PCSK4: variants seen among roughly 807,000 people sequenced by gnomAD.
PCSK4 encodes the protein testicular tissue protein Li 135.
Under a neutral mutation model 80.3 loss-of-function variants are expected in PCSK4, and 64 were observed. The ratio of observed to expected loss-of-function variants is 0.80; its 90% CI spans 0.65 to 0.98. PCSK4 has a LOEUF of 0.98. Ranked by LOEUF, PCSK4 falls within the 50% of genes least tolerant of loss-of-function variation. PCSK4 has a pLI of 0.00. For synonymous variants in PCSK4, 561 were observed against 487.6 expected, an observed-to-expected ratio of 1.15 and a Z score of -1.98; for missense variants, 1,213 against 1,093.6, an observed-to-expected ratio of 1.11 and a Z score of -1.54.
chr19:1,487,240 G>C (rs539376222), exon 7 of PCSK4: 10 of 1,606,216 alleles, frequency 6.2e-6, no homozygotes, highest in Middle Eastern at 1.7e-4. Context: ...TGTAAATGTG[G>C]ATGTGCTGCG....
Position 1,481,937 on chromosome 19 carries a change from G to A in PCSK4, c.2090C>T (p.Ala697Val), listed in dbSNP as rs1348087547. 6 of 1,597,216 alleles carry A rather than the reference G, an allele frequency of 3.8e-6. No individual in the cohort carries two copies. Among genetic ancestry groups the A allele is most frequent in the Non-Finnish European group, 5.1e-6 (6 of 1,173,638 alleles). The change falls in exon 15 of 15, where the codon GCT becomes GTT. Residue 697 changes from alanine to valine, a missense_variant. By Grantham distance (64) the Ala-to-Val change is moderately conservative (BLOSUM62 0). Coordinates refer to ENST00000300954, the Ensembl canonical transcript of PCSK4. The stretch of plus-strand genomic sequence containing the variant: ...GCAGCGGTGGTGGGGACAGGCGGCA[G>A]CTCTAAGCCGGGGGCGGCTGTCGGG...
At chr19:1,489,162 C>T (rs998997731) in intron 2 of PCSK4, among the ~76,000 whole-genome samples, 12 of 141,296 alleles carry the variant, frequency 8.5e-5, no homozygotes, top group South Asian at 2.3e-4. Flanking sequence ...GACGGAGTCT[C>T]GCTCTGTCGC....
chr19:1,482,435 G>A (rs748536491), exon 14 of PCSK4: 7 of 1,608,220 alleles, frequency 4.4e-6, no homozygotes, highest in African/African-American at 4.0e-5. Flanking sequence ...TCATGTCCTC[G>A]GCCGTCCCAT....
chr19:1,482,018 C>T, exon 15 of PCSK4: 3 of 1,576,638 alleles, frequency 1.9e-6, no homozygotes, highest in Non-Finnish European at 2.6e-6. Flanking sequence ...GGATGGGGGA[C>T]AGGAGGTGCA....
chr19:1,487,929 G>A (rs1040507197), intron 4 of PCSK4, 35 bp downstream of exon 4: 7 of 1,592,114 alleles, frequency 4.4e-6, no homozygotes, highest in Non-Finnish European at 6.0e-6. Context: ...TCGGCACCTG[G>A]GGCAGCCCTC....
chr19:1,483,896 C>G, exon 10 of PCSK4: 1 of 1,490,632 alleles, frequency 6.7e-7, no homozygotes, highest in Non-Finnish European at 8.9e-7. Context: ...CCGGCTTGGA[C>G]GCGCGGACCA....
At chr19:1,487,713 G>T (rs1392686916) in intron 5 of PCSK4, 22 bp from the exon 6 acceptor site, 1 of 1,551,382 alleles carries the variant, frequency 6.4e-7, no homozygotes, top group Non-Finnish European at 8.7e-7. Flanking sequence ...GCCAAGAGGG[G>T]CTCCTGTCAC....
chr19:1,483,694 G>A, exon 11 of PCSK4: 1 of 1,596,920 alleles, frequency 6.3e-7, no homozygotes, highest in Non-Finnish European at 8.5e-7. Context: ...TCTGCGGCTG[G>A]GTGGGCAGCC....
At chr19:1,488,921 C>T (rs186801124) in intron 2 of PCSK4, among the ~76,000 whole-genome samples, 2 of 152,138 alleles carry the variant, frequency 1.3e-5, no homozygotes, top group African/African-American at 4.8e-5. Flanking sequence ...CTGGCCACTG[C>T]TCTCCCTCCC....
chr19:1,488,236 G>A (rs1363661010), exon 3 of PCSK4: 14 of 1,612,520 alleles, frequency 8.7e-6, no homozygotes, highest in Non-Finnish European at 1.1e-5. Flanking sequence ...CCACGACAGA[G>A]CGTTTCACCC....
At chr19:1,488,252 T>C (rs1201621784) in exon 3 of PCSK4, 1 of 1,613,312 alleles carries the variant, frequency 6.2e-7, no homozygotes, top group Non-Finnish European at 8.5e-7. Flanking sequence ...CACCCGCCGC[T>C]GCAGCGTCTG....
Position 1,482,125 on chromosome 19 carries a change from C to T in PCSK4, c.1902G>A (p.Val634=), listed in dbSNP as rs935723172. The change falls in exon 15 of 15, where the codon GTG becomes GTA. Residue 634 remains valine (V), a synonymous_variant. Transcript: ENST00000300954. ...CCGCCGTGTGCCCAGGCCCAGCGGT[C>T]ACCAGCCTTGTGTGGTTGAAGAACC... 1.7e-5 allele frequency: 26 copies of T among 1,555,502 alleles called. No individual in the cohort carries two copies. The African/African-American group carries it at 3.0e-4, about 18-fold the overall frequency.
chr19:1,482,967 T>G, exon 13 of PCSK4: 1 of 1,403,160 alleles, frequency 7.1e-7, no homozygotes, highest in Non-Finnish European at 9.5e-7. Flanking sequence ...ATCCCAGAAG[T>G]GGGTGGACAT....
Position 1,487,126 on chromosome 19 carries a change from C to A in PCSK4, c.855+15G>T. 8 of 1,602,790 alleles carry A rather than the reference C, an allele frequency of 5.0e-6. No individual in the cohort carries two copies. Among genetic ancestry groups the A allele is most frequent in the South Asian group, 1.1e-5 (1 of 90,918 alleles). Reference sequence around the variant, plus strand: ...CCTGGCCTGCCACCCCTGCCCTCCTCGGGCTGCCACTCACCTTGGTCACAC... The same window carrying A: ...CCTGGCCTGCCACCCCTGCCCTCCTAGGGCTGCCACTCACCTTGGTCACAC... On this transcript the variant is annotated intron_variant, in intron 7 of 14. Coordinates refer to ENST00000300954, the Ensembl canonical transcript of PCSK4.
chr19:1,482,562 G>C, intron 13 of PCSK4, 87 bp from the exon 14 acceptor site: 4 of 1,496,948 alleles, frequency 2.7e-6, no homozygotes, highest in Non-Finnish European at 3.6e-6. Flanking sequence ...CTCCCCTTCA[G>C]CTCCCACGCG....
intron 2 of PCSK4, among the ~76,000 whole-genome samples, chr19:1,489,189 T>TGGC (rs2084802918): frequency 6.8e-6 from 1 of 146,496 alleles, no homozygotes; most frequent in South Asian, 2.1e-4. Flanking sequence ...TGGAGTGCAA[T>TGGC]GGCGCGATCT....
intron 8 of PCSK4, among the ~76,000 whole-genome samples, chr19:1,484,916 G>A (rs756936560): frequency 3.3e-5 from 5 of 152,096 alleles, no homozygotes; most frequent in Non-Finnish European, 7.4e-5. Flanking sequence ...AGGCTGAGGC[G>A]GGCAGATTGT....
Position 1,490,360 on chromosome 19 carries a change from G to C in PCSK4, c.-14C>G. On this transcript the variant is annotated 5_prime_UTR_variant, in exon 1 of 15. Coordinates refer to ENST00000300954, the Ensembl canonical transcript of PCSK4. ...GGCGGGCCGCATGGAGGCGGGGCGGGAGCGGGGCCTGCGCAAATCCCCTCC... is the reference window on the plus strand; with the variant it reads ...GGCGGGCCGCATGGAGGCGGGGCGGCAGCGGGGCCTGCGCAAATCCCCTCC... 9.6e-7 allele frequency: 1 copy of C among 1,044,776 alleles called. No homozygotes were observed. Among genetic ancestry groups the C allele is most frequent in the Non-Finnish European group, 1.3e-6 (1 of 743,878 alleles). The allele number at this position is 1,044,776 out of a possible 1,614,324, so 64.7% of individuals were successfully genotyped here. A position where few individuals can be genotyped will look rare whatever the true frequency, so the allele number is the denominator to read the frequency against.
At position 1,486,839 on chromosome 19, in the gene PCSK4, G is replaced by A. The variant is rs747767024; in HGVS notation, c.1068+14C>T. 20 of 1,585,814 alleles carry A rather than the reference G, an allele frequency of 1.3e-5. No individual in the cohort carries two copies. Among genetic ancestry groups the A allele is most frequent in the Admixed American group, 1.7e-5 (1 of 57,800 alleles). ...GGCCTGGGGAGGGGACCCTGTTGGG[G>A]CGGCTGCACTCACGATCTGGGGGTC... On this transcript the variant is annotated intron_variant, in intron 8 of 14. Coordinates refer to ENST00000300954, the Ensembl canonical transcript of PCSK4.
Sources: gnomAD v4.1 joint callset for allele counts (sites outside exome capture counted in the v4.1 genomes callset) on GRCh38, gnomAD v4.1.1 for gene constraint, MANE v1.5 for transcripts, NCBI Gene and HGNC (gene_info 2026-07-23, HGNC 2026-07-21) for gene names.